Variants in DEFB116 observed in about 807,000 individuals in gnomAD.
DEFB116 encodes defensin beta 116, also known as beta-defensin 116.
A neutral mutation model predicts 2.8 loss-of-function variants in DEFB116; 5 were observed. That is an observed-to-expected ratio of 1.80 (90% CI 0.94 to 3.79). The LOEUF is 3.79. Among genes scored for constraint, DEFB116 ranks in the 30% most tolerant of loss-of-function variants. DEFB116 has a pLI of 0.00. For synonymous variants in DEFB116, 56 were observed against 40.8 expected (o/e 1.37, Z -1.42); for missense variants, 170 against 118.0 (o/e 1.44, Z -2.04).
rs1984924808 is a variant in DEFB116 at position 31,303,323 on chromosome 20, C to T, written c.198G>A (p.Lys66=). ...TTTTCACAGAAAGTTTCAGGCAGCA[C>T]TTTTGATCATTTGGGCAGGTTAAGT... is the stretch of plus-strand genomic sequence containing the variant. The part of the protein sequence containing the change: ...IQYLTCPNDQ[K]CCLKLSVKIT... The change falls in exon 2 of 2, where the codon AAG becomes AAA. Residue 66 remains lysine (K), a synonymous_variant. Transcript: ENST00000400549. The T allele has an allele frequency of 6.2e-7, 1 of 1,613,612 alleles. No homozygotes were observed. The highest frequency in any genetic ancestry group is 8.5e-7 in the Non-Finnish European group (1 of 1,179,592).
chr20:31,308,144 C>A (rs1265128536), intron 1 of DEFB116, among the ~76,000 whole-genome samples: 1 of 152,032 alleles, frequency 6.6e-6, no homozygotes, highest in Admixed American at 6.6e-5. Context: ...TAAGGTCTTA[C>A]AACCTCCCCA....
chr20:31,306,581 A>G (rs1984994571), intron 1 of DEFB116, among the ~76,000 whole-genome samples: 1 of 152,100 alleles, frequency 6.6e-6, no homozygotes, highest in Non-Finnish European at 1.5e-5. Flanking sequence ...AGCTTTACTG[A>G]GCATGAGAAC....
chr20:31,303,596 C>T lies in DEFB116; in HGVS notation c.68-143G>A, dbSNP rs576924990. On this transcript the variant is annotated intron_variant, in intron 1 of 1. Transcript: ENST00000400549. The stretch of plus-strand genomic sequence containing the variant: ...ACCTAGATTCAAATCTGGGCTCTGC[C>T]ATTTACCATCTCTCCCTCCTCAAGC... 4 of 1,192,644 alleles carry T rather than the reference C, an allele frequency of 3.4e-6. No individual in the cohort carries two copies. The Admixed American group carries it at 1.1e-4, about 33-fold the overall frequency. 73.9% of individuals were successfully genotyped at this position (1,192,644 alleles called of 1,614,324 possible). A position where few individuals can be genotyped will look rare whatever the true frequency, so the allele number is the denominator to read the frequency against.
At chr20:31,304,009 T>C (rs1464373713) in intron 1 of DEFB116, among the ~76,000 whole-genome samples, 1 of 152,100 alleles carries the variant, frequency 6.6e-6, no homozygotes, top group Non-Finnish European at 1.5e-5. Context: ...TCTTTGTACA[T>C]TGGCCTTACA....
intron 1 of DEFB116, among the ~76,000 whole-genome samples, chr20:31,308,245 G>A (rs1568708690): frequency 6.6e-6 from 1 of 152,008 alleles, no homozygotes; most frequent in Non-Finnish European, 1.5e-5. Flanking sequence ...CATGAATTAA[G>A]CCCCCATCCC....
intron 1 of DEFB116, among the ~76,000 whole-genome samples, chr20:31,308,185 A>G (rs113751431): frequency 6.6e-6 from 1 of 152,188 alleles, no homozygotes; most frequent in African/African-American, 2.4e-5. Flanking sequence ...CCAAACTGCT[A>G]TACCCCTCCT....
Position 31,308,147 on chromosome 20 carries a change from C to A in DEFB116, c.67+372G>T, listed in dbSNP as rs562110881. The stretch of plus-strand genomic sequence containing the variant: ...TTACCCTATCTCTAAGGTCTTACAA[C>A]CTCCCCACCTCAACTCCCTACCCAA... On this transcript the variant is annotated intron_variant, in intron 1 of 1. Coordinates refer to ENST00000400549, the MANE Select transcript of DEFB116 (RefSeq NM_001037731.1). 5.9e-5 allele frequency among the ~76,000 whole-genome samples: 9 copies of A among 152,168 alleles called. No homozygotes were observed. The East Asian group carries it at 1.7e-3, about 29-fold the overall frequency.
chr20:31,303,431 AT>A lies in DEFB116; in HGVS notation c.89del (p.Asn30MetfsTer30), dbSNP rs1568707143. 1.9e-6 allele frequency: 3 copies of A among 1,613,310 alleles called. No individual in the cohort carries two copies. In the South Asian group the frequency reaches 3.3e-5, roughly 18 times the overall value. On this transcript the variant is annotated frameshift_variant, in exon 2 of 2. Transcript: ENST00000400549. LOFTEE classifies it low-confidence loss of function (END_TRUNC). ...KTPGGLFRSH[N>X]GKSREPWNPC... ...GATTCCAAGGCTCTCGGCTCTTGCC[AT>A]TGTGGGATCTGAACAGGCCACCTGG... is the stretch of plus-strand genomic sequence containing the variant.
chr20:31,304,130 T>C (rs1241101594), intron 1 of DEFB116, among the ~76,000 whole-genome samples: 1 of 152,122 alleles, frequency 6.6e-6, no homozygotes, highest in African/African-American at 2.4e-5. Context: ...GCACATGTGC[T>C]CACTGTACAA....
At chr20:31,303,516 A>G in intron 1 of DEFB116, 63 bp from the exon 2 acceptor site, 1 of 1,587,806 alleles carries the variant, frequency 6.3e-7, no homozygotes, top group Non-Finnish European at 8.6e-7. Context: ...ATGAAGCATG[A>G]TTTAAAGGAA....
chr20:31,304,278 C>T (rs1191570898), intron 1 of DEFB116, among the ~76,000 whole-genome samples: 1 of 152,098 alleles, frequency 6.6e-6, no homozygotes, highest in Non-Finnish European at 1.5e-5. Context: ...ACTTAATCAG[C>T]ATTCTATAAA....
chr20:31,308,216 C>A (rs187751673), intron 1 of DEFB116, among the ~76,000 whole-genome samples: 2 of 152,244 alleles, frequency 1.3e-5, no homozygotes, highest in East Asian at 3.9e-4. Context: ...AACTTGCACA[C>A]AGTCTCTCAC....
rs537759074 is a variant in DEFB116 at position 31,308,426 on chromosome 20, C to T, written c.67+93G>A. Reference sequence around the variant, plus strand: ...AGACCAGAAAAGGCTTTAGGTGTTGCCCACTATATGTGAGTAGGAGTCACT... The same window carrying T: ...AGACCAGAAAAGGCTTTAGGTGTTGTCCACTATATGTGAGTAGGAGTCACT... On this transcript the variant is annotated intron_variant, in intron 1 of 1. Transcript: ENST00000400549. 37 of 1,267,898 alleles carry T rather than the reference C, an allele frequency of 2.9e-5. No individual in the cohort carries two copies. The African/African-American group carries it at 5.3e-4, about 18-fold the overall frequency. 78.5% of individuals were successfully genotyped at this position (1,267,898 alleles called of 1,614,324 possible). A position where few individuals can be genotyped will look rare whatever the true frequency, so the allele number is the denominator to read the frequency against.
intron 1 of DEFB116, among the ~76,000 whole-genome samples, chr20:31,307,796 T>C (rs879263712): frequency 1.3e-5 from 2 of 151,952 alleles, no homozygotes; most frequent in East Asian, 1.9e-4. Flanking sequence ...AAACCTCACA[T>C]ACCCATGACT....
intron 1 of DEFB116, among the ~76,000 whole-genome samples, chr20:31,305,933 C>G (rs1479014696): frequency 6.6e-6 from 1 of 152,068 alleles, no homozygotes; most frequent in Admixed American, 6.6e-5. Context: ...TACTAATGGG[C>G]TCCTGTTTGC....
chr20:31,303,368 G>C lies in DEFB116; in HGVS notation c.153C>G (p.Cys51Trp), dbSNP rs922326318. ...TTAAGTATTGGATTTCATATTCTCT[G>C]CAGGCGTTTCTGCACATGCCTTGGT... is the stretch of plus-strand genomic sequence containing the variant. The part of the protein sequence containing the change: ...ELYQGMCRNA[C>W]REYEIQYLTC... The change falls in exon 2 of 2, where the codon TGC becomes TGG. Residue 51 changes from cysteine (C) to tryptophan (W), a missense_variant. Cys to Trp is a radical substitution (Grantham distance 215, BLOSUM62 -2). Coordinates refer to ENST00000400549, the MANE Select transcript of DEFB116 (RefSeq NM_001037731.1). 5 of 1,613,502 alleles carry C rather than the reference G, an allele frequency of 3.1e-6. No homozygotes were observed. The African/African-American group carries it at 6.7e-5, about 22-fold the overall frequency.
Position 31,303,341 on chromosome 20 carries a change from G to A in DEFB116, c.180C>T (p.Thr60=). 1.2e-6 allele frequency: 2 copies of A among 1,613,596 alleles called. No individual in the cohort carries two copies. Among genetic ancestry groups the A allele is most frequent in the East Asian group, 2.2e-5 (1 of 44,872 alleles). The part of the protein sequence containing the change: ...ACREYEIQYL[T]CPNDQKCCLK... Reference sequence around the variant, plus strand: ...GGCAGCACTTTTGATCATTTGGGCAGGTTAAGTATTGGATTTCATATTCTC... The same window carrying A: ...GGCAGCACTTTTGATCATTTGGGCAAGTTAAGTATTGGATTTCATATTCTC... Residue 60 remains threonine, a synonymous_variant, in exon 2 of 2, where the codon ACC becomes ACT. Coordinates refer to ENST00000400549, the MANE Select transcript of DEFB116 (RefSeq NM_001037731.1).
At chr20:31,303,650 T>A (rs904642590) in intron 1 of DEFB116, among the ~76,000 whole-genome samples, 197 bp from the exon 2 acceptor site, 1 of 152,136 alleles carries the variant, frequency 6.6e-6, no homozygotes, top group Non-Finnish European at 1.5e-5. Flanking sequence ...AGTCCTCCAT[T>A]GCATCATCTT....
At chr20:31,307,281 C>G (rs1985012066) in intron 1 of DEFB116, among the ~76,000 whole-genome samples, 1 of 152,116 alleles carries the variant, frequency 6.6e-6, no homozygotes, top group Non-Finnish European at 1.5e-5. Flanking sequence ...ACTATAGGAA[C>G]TGTGTTGTAC....
Sources: allele counts gnomAD v4.1 joint callset (sites outside exome capture counted in the v4.1 genomes callset), GRCh38; gene constraint gnomAD v4.1.1; transcripts MANE v1.5; gene names NCBI Gene and HGNC (gene_info 2026-07-23, HGNC 2026-07-21).